Variants in THSD4 observed in about 807,000 individuals in gnomAD.
THSD4 encodes the protein thrombospondin type 1 domain containing 4, also known as thrombospondin type-1 domain-containing protein 4.
Under a neutral mutation model 119.0 loss-of-function variants are expected in THSD4, and 69 were observed. The ratio of observed to expected loss-of-function variants is 0.58; its 90% confidence interval spans 0.48 to 0.71. The LOEUF is 0.71. THSD4 is among the 30% of genes least tolerant of loss of function. The pLI, the probability that THSD4 is intolerant of heterozygous loss-of-function variation, is 0.00. For synonymous variants in THSD4, 524 were observed against 540.4 expected, an observed-to-expected ratio of 0.97 and a Z score of 0.42; for missense variants, 1,393 against 1,391.1, an observed-to-expected ratio of 1.00 and a Z score of -0.02.
At chr15:71,199,758 A>ATGTGTGGTG (rs1567154889) in intron 3 of THSD4, among the ~76,000 whole-genome samples, 67 of 32,992 alleles carry the variant, frequency 2.0e-3, no homozygotes, top group African/African-American at 7.9e-3. Context: ...GGTGTGTGTG[A>ATGTGTGGTG]TGTGTGTGGT....
intron 4 of THSD4, among the ~76,000 whole-genome samples, chr15:71,238,634 A>G (rs1157386043): frequency 1.3e-5 from 2 of 152,358 alleles, no homozygotes; most frequent in East Asian, 3.9e-4. Context: ...ATCAGCACTT[A>G]TGGCTGAATA....
intron 8 of THSD4, among the ~76,000 whole-genome samples, chr15:71,708,449 T>G (rs2052437314): frequency 6.6e-6 from 1 of 152,084 alleles, no homozygotes; most frequent in Non-Finnish European, 1.5e-5. Flanking sequence ...GTAGGGTCAG[T>G]AATGGGAGTT....
At chr15:71,679,444 T>C (rs769332585) in intron 8 of THSD4, among the ~76,000 whole-genome samples, 1 of 152,156 alleles carries the variant, frequency 6.6e-6, no homozygotes, top group Admixed American at 6.5e-5. Context: ...TATGCTCCAA[T>C]AAAATACGAT....
intron 11 of THSD4, among the ~76,000 whole-genome samples, chr15:71,742,813 G>C (rs1036016565): frequency 2.0e-5 from 3 of 152,130 alleles, no homozygotes; most frequent in African/African-American, 7.2e-5. Flanking sequence ...CCAGTACTTT[G>C]GGAGGCCGAG....
At chr15:71,628,063 A>G (rs2050542865) in intron 7 of THSD4, among the ~76,000 whole-genome samples, 1 of 152,228 alleles carries the variant, frequency 6.6e-6, no homozygotes, top group South Asian at 2.1e-4. Context: ...ATCACCTGGG[A>G]AACATTCAAC....
In THSD4 at chr15:71,325,609, T is replaced by C. The variant is rs138355783; in HGVS notation, c.1015+68894T>C. ...CTGGAATTCAAGTCAGAGTACAAGG[T>C]TACATGATTTGTGATTATTGCAAAC... On this transcript the variant is annotated intron_variant, in intron 6 of 17. Coordinates refer to ENST00000261862, the MANE Select transcript of THSD4 (RefSeq NM_024817.3). Among the ~76,000 whole-genome samples the C allele has an allele frequency of 3.0e-3, 458 of 152,302 alleles. 4 individuals carry two copies. The highest frequency in any genetic ancestry group is 0.011 in the African/African-American group (440 of 41,566).
At chr15:71,199,865 GTGTGTGTGTGTGTGGTGCATGTGT>G (rs1274663196) in intron 3 of THSD4, among the ~76,000 whole-genome samples, 1 of 119,578 alleles carries the variant, frequency 8.4e-6, no homozygotes, top group African/African-American at 3.3e-5. Context: ...CATGTGTGGG[GTGTGTGTGTGTGTGGTGCATGTGT>G]GGTATGTGTG....
intron 6 of THSD4, among the ~76,000 whole-genome samples, chr15:71,366,645 T>A (rs1039210621): frequency 6.6e-6 from 1 of 152,206 alleles, no homozygotes; most frequent in East Asian, 1.9e-4. Flanking sequence ...AATCCTCTTA[T>A]GTGGGATTTC....
At chr15:71,377,928 A>C (rs2046171740) in intron 6 of THSD4, among the ~76,000 whole-genome samples, 2 of 122,230 alleles carry the variant, frequency 1.6e-5, no homozygotes, top group African/African-American at 2.9e-5. Flanking sequence ...TCCTTCAGTG[A>C]CTCTTCTGAA....
chr15:71,687,083 CA>C (rs1290809397), intron 8 of THSD4, among the ~76,000 whole-genome samples: 1 of 152,148 alleles, frequency 6.6e-6, no homozygotes, highest in African/African-American at 2.4e-5. Flanking sequence ...AGCAGGATAT[CA>C]CGCTTCCTTC....
At chr15:71,212,590 C>T (rs1249749468) in intron 3 of THSD4, among the ~76,000 whole-genome samples, 2 of 152,230 alleles carry the variant, frequency 1.3e-5, no homozygotes, top group Non-Finnish European at 2.9e-5. Context: ...CCCAATGATC[C>T]TTCCACCAGG....
At chr15:71,174,893 G>C (rs907509329) in intron 3 of THSD4, among the ~76,000 whole-genome samples, 1 of 151,106 alleles carries the variant, frequency 6.6e-6, no homozygotes, top group Non-Finnish European at 1.5e-5. Context: ...ACCTCACAAG[G>C]CAGGGTATTC....
intron 6 of THSD4, among the ~76,000 whole-genome samples, chr15:71,366,580 C>A (rs187549427): frequency 6.6e-6 from 1 of 152,260 alleles, no homozygotes; most frequent in East Asian, 1.9e-4. Context: ...GCTGTTTTTC[C>A]CAATGGCCCG....
chr15:71,683,155 A>G (rs1235069997), intron 8 of THSD4, among the ~76,000 whole-genome samples: 7 of 151,788 alleles, frequency 4.6e-5, no homozygotes, highest in African/African-American at 1.5e-4. Flanking sequence ...CTCCTGGACT[A>G]TAGTAATCTG....
intron 14 of THSD4, among the ~76,000 whole-genome samples, chr15:71,752,605 G>A (rs947373852): frequency 6.6e-6 from 1 of 152,178 alleles, no homozygotes; most frequent in African/African-American, 2.4e-5. Flanking sequence ...CATTGGCTTT[G>A]GTATCATCTC....
chr15:71,376,437 G>A (rs1486004976), intron 6 of THSD4, among the ~76,000 whole-genome samples: 2 of 152,118 alleles, frequency 1.3e-5, no homozygotes, highest in Non-Finnish European at 1.5e-5. Context: ...ACTCTTCTGG[G>A]TCTTGATTGA....
chr15:71,434,751 G>A (rs769634614), intron 7 of THSD4, among the ~76,000 whole-genome samples: 2 of 152,096 alleles, frequency 1.3e-5, no homozygotes, highest in African/African-American at 2.4e-5. Flanking sequence ...TTTTAATGAA[G>A]CTGATTTCTA....
At chr15:71,573,687 G>A (rs1045984586) in intron 7 of THSD4, among the ~76,000 whole-genome samples, 1 of 152,132 alleles carries the variant, frequency 6.6e-6, no homozygotes, top group African/African-American at 2.4e-5. Flanking sequence ...CTTCTACAAT[G>A]TGCTCCATTC....
chr15:71,215,275 C>A lies in THSD4; in HGVS notation c.340C>A (p.Leu114Met), dbSNP rs922197015. 4 of 1,518,254 alleles carry A rather than the reference C, an allele frequency of 2.6e-6. No individual in the cohort carries two copies. In the African/African-American group the frequency reaches 5.6e-5, roughly 21 times the overall value. The allele number at this position is 1,518,254 out of a possible 1,614,324, so 94.0% of individuals were successfully genotyped here. ...VVSAVRTSVP[L>M]HRSRDETPAL... ...GTCGGCGGTGCGCACGTCGGTGCCA[C>A]TGCACCGGAGCCGCGACGAGACGCC... is the stretch of plus-strand genomic sequence containing the variant. The change falls in exon 4 of 18, where the codon CTG becomes ATG. Residue 114 changes from leucine to methionine, a missense_variant. Physicochemically the swap from Leu to Met is conservative, Grantham distance 15 (BLOSUM62 2). Coordinates refer to ENST00000261862, the MANE Select transcript of THSD4 (RefSeq NM_024817.3).
Sources: gnomAD v4.1 joint callset for allele counts (sites outside exome capture counted in the v4.1 genomes callset) on GRCh38, gnomAD v4.1.1 for gene constraint, MANE v1.5 for transcripts, NCBI Gene and HGNC (gene_info 2026-07-23, HGNC 2026-07-21) for gene names.